Variants in RIMS2 observed in about 807,000 individuals in gnomAD.
RIMS2 encodes regulating synaptic membrane exocytosis 2, also known as regulating synaptic membrane exocytosis protein 2.
In RIMS2, 59 loss-of-function variants were observed where a neutral mutation model predicts 174.4. The ratio of observed to expected loss-of-function variants is 0.34; its 90% CI spans 0.27 to 0.42. RIMS2 has a LOEUF of 0.42. Ranked by LOEUF, RIMS2 falls within the 10% of genes least tolerant of loss-of-function variation. The pLI is 1.00. For missense variants in RIMS2, 1,620 were observed against 1,666.3 expected, an observed-to-expected ratio of 0.97 and a Z score of 0.48; for synonymous variants, 606 against 572.5, an observed-to-expected ratio of 1.06 and a Z score of -0.84.
chr8:103,860,527 G>A (rs1416091661), intron 3 of RIMS2, among the ~76,000 whole-genome samples: 1 of 152,060 alleles, frequency 6.6e-6, no homozygotes, highest in East Asian at 1.9e-4. Context: ...AGTTGTTTGT[G>A]AGAATTAAAT....
At chr8:103,852,808 T>C (rs372925063) in intron 3 of RIMS2, among the ~76,000 whole-genome samples, 10 of 152,180 alleles carry the variant, frequency 6.6e-5, no homozygotes, top group African/African-American at 2.4e-4. Flanking sequence ...AATCTGTCAT[T>C]GATAGGCAAT....
Position 103,859,559 on chromosome 8 carries a change from G to C in RIMS2, c.699-25739G>C, listed in dbSNP as rs114027564. Among the ~76,000 whole-genome samples the C allele has an allele frequency of 7.1e-3, 1,083 of 152,010 alleles. 22 individuals are homozygous for C. The highest frequency in any genetic ancestry group is 0.025 in the African/African-American group (1,021 of 41,460). ...CTATTCTTATTTCAACACAGAAAAA[G>C]ATAATTGAAAAGAGGGTAGGTGGAT... is the stretch of plus-strand genomic sequence containing the variant. On this transcript the variant is annotated intron_variant, in intron 3 of 23. Transcript: ENST00000504942.
At chr8:103,518,297 C>G (rs942090088) in intron 1 of RIMS2, among the ~76,000 whole-genome samples, 1 of 151,936 alleles carries the variant, frequency 6.6e-6, no homozygotes, top group Non-Finnish European at 1.5e-5. Context: ...CTTCCCTGGG[C>G]CACAATGGAA....
chr8:104,183,195 TG>T (rs1355441723), intron 19 of RIMS2, among the ~76,000 whole-genome samples: 1 of 151,752 alleles, frequency 6.6e-6, no homozygotes, highest in Non-Finnish European at 1.5e-5. Context: ...TTGCTTTCTA[TG>T]GCAGAATTGA....
chr8:103,704,223 T>C, intron 2 of RIMS2, among the ~76,000 whole-genome samples: 1 of 151,102 alleles, frequency 6.6e-6, no homozygotes, highest in South Asian at 2.1e-4. Context: ...TGTACTAACA[T>C]GGCTGTATGG....
At chr8:103,759,615 AG>A (rs2098085848) in intron 2 of RIMS2, among the ~76,000 whole-genome samples, 1 of 151,920 alleles carries the variant, frequency 6.6e-6, no homozygotes, top group Non-Finnish European at 1.5e-5. Flanking sequence ...GGCCAAGAAA[AG>A]GCCAGACTTG....
chr8:104,246,197 C>G (rs1410859722), intron 20 of RIMS2, among the ~76,000 whole-genome samples: 1 of 152,190 alleles, frequency 6.6e-6, no homozygotes, highest in Non-Finnish European at 1.5e-5. Flanking sequence ...ACCATACCTT[C>G]CAGTGGGCCA....
At chr8:104,057,059 T>C (rs895931874) in intron 19 of RIMS2, among the ~76,000 whole-genome samples, 1 of 146,490 alleles carries the variant, frequency 6.8e-6, no homozygotes, top group Non-Finnish European at 1.5e-5. Context: ...TTCTTTTTCT[T>C]TTTCTTTTTT....
chr8:103,863,526 C>T (rs562012445), intron 3 of RIMS2, among the ~76,000 whole-genome samples: 1 of 151,826 alleles, frequency 6.6e-6, no homozygotes, highest in South Asian at 2.1e-4. Context: ...GGTGTAAGTT[C>T]TTCCTTGTAT....
intron 2 of RIMS2, among the ~76,000 whole-genome samples, chr8:103,727,629 G>C (rs985203416): frequency 6.6e-6 from 1 of 152,114 alleles, no homozygotes; most frequent in South Asian, 2.1e-4. Context: ...GCAAGAGATT[G>C]GGATCTAGTC....
At chr8:103,556,459 C>T (rs117294445) in intron 1 of RIMS2, among the ~76,000 whole-genome samples, 2,687 of 152,034 alleles carry the variant, frequency 0.018, 39 homozygotes, top group Non-Finnish European at 0.028. Context: ...TTCAGTGATC[C>T]CATAATGTAG....
At chr8:103,952,989 T>G (rs2154543678) in intron 14 of RIMS2, among the ~76,000 whole-genome samples, 1 of 152,242 alleles carries the variant, frequency 6.6e-6, no homozygotes, top group Admixed American at 6.5e-5. Context: ...TTAGCTGAAT[T>G]TATCAAGTGG....
chr8:103,724,914 C>T (rs1261035149), intron 2 of RIMS2, among the ~76,000 whole-genome samples: 9 of 152,024 alleles, frequency 5.9e-5, no homozygotes, highest in Admixed American at 1.3e-4. Context: ...AGCTTGTAGC[C>T]ATGGTCAGTG....
chr8:103,794,142 A>G (rs971362044), intron 3 of RIMS2, among the ~76,000 whole-genome samples: 1 of 152,220 alleles, frequency 6.6e-6, no homozygotes, highest in Non-Finnish European at 1.5e-5. Context: ...CTAAGCCAAA[A>G]GAACAAAGCT....
At chr8:104,122,734 G>A (rs1334603234) in intron 19 of RIMS2, among the ~76,000 whole-genome samples, 2 of 152,042 alleles carry the variant, frequency 1.3e-5, no homozygotes, top group African/African-American at 4.8e-5. Context: ...TACTGAAATA[G>A]GTATTAACTT....
At chr8:103,754,277 C>T (rs999261216) in intron 2 of RIMS2, among the ~76,000 whole-genome samples, 2 of 152,186 alleles carry the variant, frequency 1.3e-5, no homozygotes, top group South Asian at 4.1e-4. Context: ...AACTTGATTG[C>T]ACTGTGGTCT....
At chr8:103,910,762 T>A (rs2075515309) in intron 5 of RIMS2, among the ~76,000 whole-genome samples, 1 of 152,204 alleles carries the variant, frequency 6.6e-6, no homozygotes, top group African/African-American at 2.4e-5. Flanking sequence ...AAAATAAGTA[T>A]ATGAAAATAA....
intron 1 of RIMS2, among the ~76,000 whole-genome samples, chr8:103,684,913 A>T (rs958308689): frequency 6.6e-6 from 1 of 152,104 alleles, no homozygotes; most frequent in African/African-American, 2.4e-5. Context: ...TATTAAAGAA[A>T]TCTTTTCCTA....
chr8:104,098,336 T>C (rs941614344), intron 19 of RIMS2, among the ~76,000 whole-genome samples: 2 of 152,108 alleles, frequency 1.3e-5, no homozygotes, highest in African/African-American at 4.8e-5. Context: ...GGATGGATGT[T>C]TGAGGATAGT....
Sources: gnomAD v4.1 joint callset for allele counts (sites outside exome capture counted in the v4.1 genomes callset) on GRCh38, gnomAD v4.1.1 for gene constraint, MANE v1.5 for transcripts, NCBI Gene and HGNC (gene_info 2026-07-23, HGNC 2026-07-21) for gene names.